Variants in FANCM observed in about 807,000 individuals in gnomAD.
FANCM encodes the protein FA complementation group M, also known as Fanconi anemia group M protein.
In FANCM, 140 loss-of-function variants were observed where a neutral mutation model predicts 199.5. That is an observed-to-expected ratio of 0.70 (90% CI 0.61 to 0.81). The LOEUF (loss-of-function observed/expected upper bound fraction) is 0.81. Among genes scored for constraint, FANCM ranks in the 30% least tolerant of loss-of-function variants. The pLI is 0.00. For missense variants in FANCM, 2,410 were observed against 2,421.4 expected (o/e 1.00, Z 0.10); for synonymous variants, 840 against 836.8 (o/e 1.00, Z -0.07).
At position 45,181,671 on chromosome 14, in the gene FANCM, A is replaced by C; in HGVS notation, c.4352A>C (p.His1451Pro). ...QKNSEVDSPLHAVKKRRFPIN... is the reference protein window; with the variant it reads ...QKNSEVDSPLPAVKKRRFPIN... Reference sequence around the variant, plus strand: ...AATAGTGAAGTTGATTCTCCACTTCATGCTGTCAAAAAGCGCAGATTTCCT... The same window carrying C: ...AATAGTGAAGTTGATTCTCCACTTCCTGCTGTCAAAAAGCGCAGATTTCCT... The change falls in exon 16 of 23, where the codon CAT (histidine) becomes CCT (proline). Residue 1451 changes from histidine (H) to proline (P), a missense_variant. By Grantham distance (77) the His-to-Pro change is moderately conservative. Coordinates refer to ENST00000267430, the MANE Select transcript of FANCM (RefSeq NM_020937.4). 1 of 1,611,632 alleles carries C rather than the reference A, an allele frequency of 6.2e-7. No homozygotes were observed. The highest frequency in any genetic ancestry group is 1.1e-5 in the South Asian group (1 of 90,974).
Position 45,176,552 on chromosome 14 carries a change from T to C in FANCM, c.3798T>C (p.Ile1266=), listed in dbSNP as rs753663832. 6.2e-7 allele frequency: 1 copy of C among 1,600,842 alleles called. No individual in the cohort carries two copies. Among genetic ancestry groups the C allele is most frequent in the South Asian group, 1.1e-5 (1 of 89,062 alleles). The part of the protein sequence containing the change: ...LDDLYGRYLE[I]KEISDANYVS... ...ATCTATATGGAAGGTATTTGGAAAT[T>C]AAGGAGATAAGTGATGCAAATTATG... is the stretch of plus-strand genomic sequence containing the variant. Residue 1266 remains isoleucine (I), a synonymous_variant, in exon 14 of 23, where the codon ATT becomes ATC. Coordinates refer to ENST00000267430, the MANE Select transcript of FANCM (RefSeq NM_020937.4).
chr14:45,146,947 G>A (rs1886439199), intron 3 of FANCM, among the ~76,000 whole-genome samples: 1 of 151,164 alleles, frequency 6.6e-6, no homozygotes, highest in Non-Finnish European at 1.5e-5. Flanking sequence ...TGTGATAATT[G>A]GTCATTCTTT....
intron 18 of FANCM, among the ~76,000 whole-genome samples, chr14:45,186,237 A>G (rs1019629989): frequency 6.6e-6 from 1 of 152,198 alleles, no homozygotes; most frequent in African/African-American, 2.4e-5. Context: ...GGCCTCATTG[A>G]GAAGGTGACA....
At chr14:45,141,807 T>A (rs1038327464) in intron 3 of FANCM, among the ~76,000 whole-genome samples, 21 of 151,920 alleles carry the variant, frequency 1.4e-4, no homozygotes, top group Admixed American at 6.6e-5. Flanking sequence ...CCAGCTGGTC[T>A]CCAACTCCTG....
chr14:45,200,674 A>G lies in FANCM; in HGVS notation c.*666A>G, dbSNP rs1295622163. On this transcript the variant is annotated 3_prime_UTR_variant, in exon 23 of 23. Coordinates refer to ENST00000267430, the MANE Select transcript of FANCM (RefSeq NM_020937.4). The stretch of plus-strand genomic sequence containing the variant: ...GGGAGGGACCTCCTGGAACGTGATT[A>G]GCTCATGGGGGCGGTTCCCCCATGC... 6.6e-6 allele frequency: 1 copy of G among 151,662 alleles called. No individual in the cohort carries two copies. Among genetic ancestry groups the G allele is most frequent in the Non-Finnish European group, 1.5e-5 (1 of 67,850 alleles). 9.4% of individuals were successfully genotyped at this position (151,662 alleles called of 1,614,324 possible).
Position 45,175,736 on chromosome 14 carries a change from A to C in FANCM, c.2982A>C (p.Leu994Phe). 2.5e-6 allele frequency: 4 copies of C among 1,613,860 alleles called. No homozygotes were observed. Among genetic ancestry groups the C allele is most frequent in the Non-Finnish European group, 3.4e-6 (4 of 1,179,910 alleles). Residue 994 changes from leucine (L) to phenylalanine (F), a missense_variant, in exon 14 of 23, where the codon TTA becomes TTC. Transcript: ENST00000267430. ...TACTAGCTAATGTAGAGAGATTTTT[A>C]TCTTATTCTCCTCCGCCTCTCAGTG... ...KEVLANVERF[L>F]SYSPPPLSGL...
Position 45,176,458 on chromosome 14 carries a change from G to A in FANCM, c.3704G>A (p.Gly1235Glu), listed in dbSNP as rs146490925. 1 of 1,612,776 alleles carries A rather than the reference G, an allele frequency of 6.2e-7. No homozygotes were observed. The highest frequency in any genetic ancestry group is 2.2e-5 in the East Asian group (1 of 44,840). The change falls in exon 14 of 23, where the codon GGA becomes GAA. Residue 1235 changes from glycine (G) to glutamate (E), a missense_variant. Gly to Glu is a moderately conservative substitution (Grantham distance 98). Transcript: ENST00000267430. ...TTATTTTCTGTTACCTTTGATTTAG[G>A]ATTCTGTAGTCCAGATTCTGATGAT... ...RDLFSVTFDL[G>E]FCSPDSDDEI...
intron 12 of FANCM, among the ~76,000 whole-genome samples, chr14:45,171,643 G>A (rs865930974): frequency 1.6e-4 from 24 of 152,046 alleles, no homozygotes; most frequent in Middle Eastern, 6.8e-3. Context: ...AGGTTGCTGC[G>A]AATGTAATAA....
At position 45,154,804 on chromosome 14, in the gene FANCM, A is replaced by G; in HGVS notation, c.1291A>G (p.Ile431Val). 1 of 1,607,338 alleles carries G rather than the reference A, an allele frequency of 6.2e-7. No individual in the cohort carries two copies. Among genetic ancestry groups the G allele is most frequent in the Non-Finnish European group, 8.5e-7 (1 of 1,175,522 alleles). The change falls in exon 7 of 23, where the codon ATT becomes GTT. Residue 431 changes from isoleucine to valine, a missense_variant. Physicochemically the swap from Ile to Val is conservative, Grantham distance 29. Coordinates refer to ENST00000267430, the MANE Select transcript of FANCM (RefSeq NM_020937.4). ...TACACGTAGTACTTCAGCAAATGGT[A>G]TTTCTGCTATCCAACAAGGTCTGGT... is the stretch of plus-strand genomic sequence containing the variant. The part of the protein sequence containing the change: ...ARTRSTSANG[I>V]SAIQQGDKNK...
In FANCM at chr14:45,191,713, T is replaced by A. The variant is rs537673429; in HGVS notation, c.5340+2351T>A. Among the ~76,000 whole-genome samples, 209 of 152,328 alleles carry A rather than the reference T, an allele frequency of 1.4e-3. 1 individual carries two copies. The highest frequency in any genetic ancestry group is 2.6e-3 in the Non-Finnish European group (175 of 68,022). ...TAGTGTGATTCTTATTACTTGAAAT[T>A]AGGAGGAGAAAGAATTTTTTGAGGT... On this transcript the variant is annotated intron_variant, in intron 20 of 22. Coordinates refer to ENST00000267430, the MANE Select transcript of FANCM (RefSeq NM_020937.4).
chr14:45,162,942 A>G (rs1887708469), intron 9 of FANCM, among the ~76,000 whole-genome samples: 1 of 152,144 alleles, frequency 6.6e-6, no homozygotes, highest in Admixed American at 6.6e-5. Flanking sequence ...GTCAGTACAA[A>G]TTCCAAAGGA....
rs77346523 is a variant in FANCM at position 45,155,980 on chromosome 14, A to G, written c.1396+521A>G. 2.0e-3 allele frequency among the ~76,000 whole-genome samples: 298 copies of G among 152,308 alleles called. 1 individual carries two copies. The highest frequency in any genetic ancestry group is 6.6e-3 in the African/African-American group (275 of 41,560). ...GGGAATGTTAAGAATAAGGTACTAT[A>G]TAAGTTAGCATGGGGTAATATAAGG... On this transcript the variant is annotated intron_variant, in intron 8 of 22. Coordinates refer to ENST00000267430, the MANE Select transcript of FANCM (RefSeq NM_020937.4).
chr14:45,168,746 T>C (rs1213164392), intron 11 of FANCM, among the ~76,000 whole-genome samples: 1 of 147,988 alleles, frequency 6.8e-6, no homozygotes, highest in Non-Finnish European at 1.5e-5. Context: ...TGCTAATGTA[T>C]GCTAACTATA....
In FANCM at chr14:45,200,018, T is replaced by C; in HGVS notation, c.*10T>C. On this transcript the variant is annotated 3_prime_UTR_variant, in exon 23 of 23. Transcript: ENST00000267430. ...GAAATCTGATATATAATCAAGCTGC[T>C]CAAGATGGGGTTTTCAAAGACCTCT... 1 of 1,601,858 alleles carries C rather than the reference T, an allele frequency of 6.2e-7. No individual in the cohort carries two copies. Among genetic ancestry groups the C allele is most frequent in the Non-Finnish European group, 8.5e-7 (1 of 1,171,130 alleles).
At chr14:45,174,638 C>T (rs1888547771) in intron 13 of FANCM, among the ~76,000 whole-genome samples, 1 of 151,936 alleles carries the variant, frequency 6.6e-6, no homozygotes, top group Non-Finnish European at 1.5e-5. Flanking sequence ...TTGGACATTC[C>T]AAAAGCTATT....
At chr14:45,152,793 G>C (rs1886921114) in intron 5 of FANCM, among the ~76,000 whole-genome samples, 1 of 152,192 alleles carries the variant, frequency 6.6e-6, no homozygotes, top group South Asian at 2.1e-4. Context: ...GTGACTACAT[G>C]AGAGTAACTT....
chr14:45,144,397 C>T (rs578157419), intron 3 of FANCM, among the ~76,000 whole-genome samples: 2 of 146,426 alleles, frequency 1.4e-5, no homozygotes, highest in South Asian at 2.3e-4. Context: ...TAATTTTTAG[C>T]TCCCACTAAA....
chr14:45,184,505 T>C (rs899656705), intron 17 of FANCM, among the ~76,000 whole-genome samples: 1 of 151,506 alleles, frequency 6.6e-6, no homozygotes, highest in African/African-American at 2.4e-5. Context: ...CTACTAAAAA[T>C]ACAAAAATTA....
At chr14:45,141,114 C>T (rs893826893) in intron 3 of FANCM, among the ~76,000 whole-genome samples, 5 of 151,784 alleles carry the variant, frequency 3.3e-5, no homozygotes, top group Admixed American at 6.6e-5. Context: ...CGGTGAAACC[C>T]GGTGTCTACC....
Sources: gnomAD v4.1 joint callset for allele counts (sites outside exome capture counted in the v4.1 genomes callset) on GRCh38, gnomAD v4.1.1 for gene constraint, MANE v1.5 for transcripts, NCBI Gene and HGNC (gene_info 2026-07-23, HGNC 2026-07-21) for gene names.